Variants in KCNIP4 observed in about 807,000 individuals in gnomAD.
KCNIP4 encodes the protein potassium voltage-gated channel interacting protein 4.
Under a neutral mutation model 34.0 loss-of-function variants are expected in KCNIP4, and 12 were observed. The ratio of observed to expected loss-of-function variants is 0.35; its 90% CI spans 0.23 to 0.57. The LOEUF is 0.57. Among genes scored for constraint, KCNIP4 ranks in the 20% least tolerant of loss-of-function variants. KCNIP4 has a pLI of 0.83. For synonymous variants in KCNIP4, 124 were observed against 102.2 expected, an observed-to-expected ratio of 1.21 and a Z score of -1.29; for missense variants, 238 against 311.7, an observed-to-expected ratio of 0.76 and a Z score of 1.78.
intron 1 of KCNIP4, among the ~76,000 whole-genome samples, chr4:21,186,801 T>G (rs1367172428): frequency 2.0e-5 from 3 of 152,060 alleles, no homozygotes; most frequent in Non-Finnish European, 4.4e-5. Context: ...TATGCCACCA[T>G]GTCCAGTTAA....
chr4:21,932,875 C>A (rs930100166), intron 1 of KCNIP4, among the ~76,000 whole-genome samples: 5 of 128,530 alleles, frequency 3.9e-5, no homozygotes, highest in Non-Finnish European at 8.4e-5. Context: ...CATGTATAAT[C>A]TATGAAAAAA....
At chr4:21,685,729 G>A (rs563644829) in intron 1 of KCNIP4, among the ~76,000 whole-genome samples, 32 of 152,288 alleles carry the variant, frequency 2.1e-4, no homozygotes, top group Middle Eastern at 6.8e-3. Context: ...CAAAAAATTC[G>A]TTTATATGAG....
At position 20,909,178 on chromosome 4, in the gene KCNIP4, A is replaced by C. The variant is rs144417757; in HGVS notation, c.62-26469T>G. Among the ~76,000 whole-genome samples, 453 of 152,346 alleles carry C rather than the reference A, an allele frequency of 3.0e-3. 10 individuals carry two copies. The highest frequency in any genetic ancestry group is 6.2e-4 in the Non-Finnish European group (42 of 68,038). On this transcript the variant is annotated intron_variant, in intron 1 of 8. Coordinates refer to ENST00000382152, the MANE Select transcript of KCNIP4 (RefSeq NM_025221.6). Reference sequence around the variant, plus strand: ...CTTATTGAATAGACTAGAAAATCATATATGAAATTGTTACTGGTGGTTGCC... The same window carrying C: ...CTTATTGAATAGACTAGAAAATCATCTATGAAATTGTTACTGGTGGTTGCC...
intron 1 of KCNIP4, among the ~76,000 whole-genome samples, chr4:21,833,589 A>C (rs1194867576): frequency 6.6e-6 from 1 of 152,082 alleles, no homozygotes; most frequent in Non-Finnish European, 1.5e-5. Flanking sequence ...GAAGCTCTTT[A>C]GTTTAATTAG....
At chr4:20,751,032 G>A (rs1246885892) in intron 4 of KCNIP4, among the ~76,000 whole-genome samples, 2 of 152,140 alleles carry the variant, frequency 1.3e-5, no homozygotes, top group Non-Finnish European at 2.9e-5. Flanking sequence ...CAGGGCTCAC[G>A]GCCTCCTTAC....
intron 1 of KCNIP4, among the ~76,000 whole-genome samples, chr4:21,187,706 A>AT (rs150873995): frequency 0.048 from 7,189 of 149,302 alleles, 274 homozygotes; most frequent in African/African-American, 0.1. Context: ...CAGAATCCTC[A>AT]TTTTTTTTTT....
chr4:20,774,779 G>T (rs1756231409), intron 3 of KCNIP4, among the ~76,000 whole-genome samples: 1 of 152,190 alleles, frequency 6.6e-6, no homozygotes, highest in African/African-American at 2.4e-5. Flanking sequence ...AAAAACCTGT[G>T]ATGTGATCAA....
intron 1 of KCNIP4, among the ~76,000 whole-genome samples, chr4:21,346,132 C>T (rs867064962): frequency 1.9e-4 from 17 of 89,924 alleles, no homozygotes; most frequent in African/African-American, 6.4e-4. Context: ...TTTTACACTG[C>T]CTGAGTGTGT....
intron 1 of KCNIP4, among the ~76,000 whole-genome samples, chr4:21,342,916 G>T (rs1030978578): frequency 1.3e-5 from 2 of 152,060 alleles, no homozygotes; most frequent in Admixed American, 6.6e-5. Flanking sequence ...GGTGATTTAA[G>T]CCTAGAGCTA....
intron 1 of KCNIP4, among the ~76,000 whole-genome samples, chr4:21,043,967 T>C (rs913024449): frequency 2.0e-5 from 3 of 152,028 alleles, no homozygotes; most frequent in African/African-American, 7.2e-5. Flanking sequence ...TTGGTTTCCA[T>C]TGGGTGGATT....
chr4:21,789,995 G>C (rs1720171145), intron 1 of KCNIP4, among the ~76,000 whole-genome samples: 1 of 152,172 alleles, frequency 6.6e-6, no homozygotes, highest in South Asian at 2.1e-4. Flanking sequence ...TTTGACAGTA[G>C]GAAAAGCATG....
chr4:21,345,840 A>T (rs1007358819), intron 1 of KCNIP4, among the ~76,000 whole-genome samples: 6 of 151,926 alleles, frequency 3.9e-5, no homozygotes, highest in African/African-American at 1.5e-4. Flanking sequence ...TCCACTCATT[A>T]GTTAGAATTA....
intron 1 of KCNIP4, among the ~76,000 whole-genome samples, chr4:21,833,435 GTTGT>G (rs1398123254): frequency 2.6e-5 from 4 of 151,926 alleles, no homozygotes; most frequent in African/African-American, 7.2e-5. Context: ...TTTTGATGGG[GTTGT>G]TTGTTTTTTT....
intron 1 of KCNIP4, among the ~76,000 whole-genome samples, chr4:21,080,671 T>G (rs562208877): frequency 2.0e-4 from 31 of 151,952 alleles, no homozygotes; most frequent in African/African-American, 6.8e-4. Flanking sequence ...TCCTCTCTCC[T>G]AAGATATAAG....
In KCNIP4 at chr4:21,946,224, C is replaced by T. The variant is rs148477569; in HGVS notation, c.61+2347G>A. Among the ~76,000 whole-genome samples the T allele has an allele frequency of 2.6e-4, 39 of 151,950 alleles. No individual in the cohort carries two copies. In the East Asian group the frequency reaches 5.6e-3, roughly 22 times the overall value. On this transcript the variant is annotated intron_variant, in intron 1 of 8. Coordinates refer to ENST00000382152, the MANE Select transcript of KCNIP4 (RefSeq NM_025221.6). ...TCAGGTCATAAAATACATACACGTA[C>T]GCACACAGACTCACACTTCTCTAAT... is the stretch of plus-strand genomic sequence containing the variant.
At chr4:21,536,663 C>G (rs551504400) in intron 1 of KCNIP4, among the ~76,000 whole-genome samples, 8 of 152,070 alleles carry the variant, frequency 5.3e-5, no homozygotes, top group Non-Finnish European at 1.2e-4. Flanking sequence ...TATCTGTAAT[C>G]TCAGCTACTC....
intron 1 of KCNIP4, among the ~76,000 whole-genome samples, chr4:21,484,277 A>G (rs1269215827): frequency 2.0e-5 from 3 of 151,988 alleles, no homozygotes; most frequent in Non-Finnish European, 4.4e-5. Flanking sequence ...AAATACAAAA[A>G]TTAGCCAGGT....
At chr4:21,887,753 T>A (rs1019451443) in intron 1 of KCNIP4, among the ~76,000 whole-genome samples, 1 of 152,164 alleles carries the variant, frequency 6.6e-6, no homozygotes, top group Non-Finnish European at 1.5e-5. Context: ...TGAGGTTATA[T>A]AACTGAAAAG....
chr4:20,890,805 A>C (rs142841076), intron 1 of KCNIP4, among the ~76,000 whole-genome samples: 17 of 152,298 alleles, frequency 1.1e-4, no homozygotes, highest in African/African-American at 3.8e-4. Context: ...CATTTTTACC[A>C]ATTGGAAAGG....
Sources: allele counts gnomAD v4.1 joint callset (sites outside exome capture counted in the v4.1 genomes callset), GRCh38; gene constraint gnomAD v4.1.1; transcripts MANE v1.5; gene names NCBI Gene and HGNC (gene_info 2026-07-23, HGNC 2026-07-21).